Variants in KLHL18 observed in about 807,000 individuals in gnomAD.
KLHL18 encodes kelch-like protein 18.
In KLHL18, 38 loss-of-function variants were observed where a neutral mutation model predicts 58.5. The observed-to-expected ratio is 0.65, with a 90% CI of 0.50 to 0.85. The LOEUF is 0.85. Ranked by LOEUF, KLHL18 falls within the 40% of genes least tolerant of loss-of-function variation. The probability of loss-of-function intolerance (pLI) is 0.00; values close to 1 mark genes in which losing one functional copy is unlikely to be tolerated. For synonymous variants in KLHL18, 303 were observed against 301.9 expected (o/e 1.00, Z -0.04); for missense variants, 624 against 778.4 (o/e 0.80, Z 2.36).
rs564025256 is a variant in KLHL18 at position 47,304,014 on chromosome 3, G to T, written c.130-15639G>T. 9.2e-5 allele frequency among the ~76,000 whole-genome samples: 14 copies of T among 151,996 alleles called. No homozygotes were observed. The South Asian group carries it at 2.9e-3, about 32-fold the overall frequency. On this transcript the variant is annotated intron_variant, in intron 1 of 9. Coordinates refer to ENST00000232766, the MANE Select transcript of KLHL18 (RefSeq NM_025010.5). ...AAAGTTCAACTTTTATTTTTTTAGA[G>T]CAGTTTTAGTTTCACAGCAAAATTG...
intron 1 of KLHL18, 174 bp downstream of exon 1, chr3:47,283,268 G>C (rs1005502111): frequency 6.1e-5 from 40 of 651,524 alleles, no homozygotes; most frequent in Non-Finnish European, 9.4e-5. Context: ...GGGGCCGAGT[G>C]GGGAGAGGAA....
intron 2 of KLHL18, among the ~76,000 whole-genome samples, chr3:47,320,427 C>T (rs1265598774): frequency 6.6e-6 from 1 of 152,152 alleles, no homozygotes; most frequent in East Asian, 1.9e-4. Context: ...ATGGTTATTT[C>T]ATGGTTCAGA....
At chr3:47,294,090 T>C (rs1702846804) in intron 1 of KLHL18, among the ~76,000 whole-genome samples, 1 of 152,232 alleles carries the variant, frequency 6.6e-6, no homozygotes. Flanking sequence ...TTTACTAGCA[T>C]GTTGAGAGAA....
At chr3:47,323,606 C>G (rs551987066) in intron 3 of KLHL18, among the ~76,000 whole-genome samples, 531 of 152,330 alleles carry the variant, frequency 3.5e-3, no homozygotes, top group Non-Finnish European at 5.3e-3. Flanking sequence ...CTCCCTCCCC[C>G]TCAAGAGCCA....
chr3:47,323,162 C>A (rs1703629497), intron 3 of KLHL18, among the ~76,000 whole-genome samples: 1 of 151,984 alleles, frequency 6.6e-6, no homozygotes, highest in African/African-American at 2.4e-5. Context: ...GATCTCGCCT[C>A]ACTGCAACCT....
chr3:47,289,701 T>C (rs1207264279), intron 1 of KLHL18, among the ~76,000 whole-genome samples: 1 of 152,170 alleles, frequency 6.6e-6, no homozygotes, highest in Non-Finnish European at 1.5e-5. Context: ...GAGGATTGCT[T>C]GAGCCCAGGA....
chr3:47,295,824 C>T (rs1267364363), intron 1 of KLHL18, among the ~76,000 whole-genome samples: 2 of 152,078 alleles, frequency 1.3e-5, no homozygotes, highest in Non-Finnish European at 2.9e-5. Context: ...AGGCAATCCT[C>T]CCACCTCGGC....
chr3:47,300,565 T>C (rs941398195), intron 1 of KLHL18, among the ~76,000 whole-genome samples: 5 of 150,226 alleles, frequency 3.3e-5, no homozygotes, highest in African/African-American at 1.2e-4. Flanking sequence ...ACACCCAGCC[T>C]AGCATTTTAT....
chr3:47,323,853 C>T (rs1703644776), intron 3 of KLHL18, among the ~76,000 whole-genome samples: 1 of 152,234 alleles, frequency 6.6e-6, no homozygotes, highest in African/African-American at 2.4e-5. Context: ...ACCTCCCCTC[C>T]CCTATTCTCA....
intron 7 of KLHL18, 35 bp downstream of exon 7, chr3:47,336,792 C>T (rs1703997687): frequency 6.6e-7 from 1 of 1,517,830 alleles, no homozygotes. Context: ...CGAACATACA[C>T]ACTGAGCACC....
chr3:47,283,242 C>A, intron 1 of KLHL18, 148 bp downstream of exon 1: 1 of 627,892 alleles, frequency 1.6e-6, no homozygotes, highest in Non-Finnish European at 2.5e-6. Flanking sequence ...AGAGAGGTGC[C>A]GAGCAAAAGG....
In KLHL18 at chr3:47,336,563, C is replaced by T. The variant is rs139486990; in HGVS notation, c.927C>T (p.Phe309=). The change falls in exon 7 of 10, where the codon TTC becomes TTT. Residue 309 remains phenylalanine (F), a synonymous_variant. Transcript: ENST00000232766. ...AGDSLNVVEV[F]DPIANCWERC... is the part of the protein sequence containing the mutation. ...ATTCCCTGAATGTGGTGGAAGTGTT[C>T]GACCCCATTGCCAATTGCTGGGAGA... The T allele has an allele frequency of 2.0e-5, 33 of 1,614,136 alleles. No individual in the cohort carries two copies. The Middle Eastern group carries it at 4.9e-4, about 24-fold the overall frequency.
intron 1 of KLHL18, among the ~76,000 whole-genome samples, chr3:47,305,272 GT>G (rs1375373302): frequency 6.9e-6 from 1 of 145,654 alleles, no homozygotes; most frequent in African/African-American, 2.5e-5. Context: ...AGTTGAGGAA[GT>G]TCCCCTCAAT....
intron 1 of KLHL18, among the ~76,000 whole-genome samples, chr3:47,297,994 G>T (rs1159400329): frequency 1.3e-5 from 2 of 152,114 alleles, no homozygotes; most frequent in African/African-American, 2.4e-5. Context: ...TCACTGGGCA[G>T]AAAAATGAGG....
intron 1 of KLHL18, among the ~76,000 whole-genome samples, chr3:47,314,608 C>T (rs555770492): frequency 1.3e-5 from 2 of 152,172 alleles, no homozygotes; most frequent in Admixed American, 6.5e-5. Flanking sequence ...GCTCGGATTA[C>T]AGGCATGAGC....
intron 1 of KLHL18, among the ~76,000 whole-genome samples, chr3:47,310,061 G>A (rs1452922612): frequency 1.3e-5 from 2 of 152,144 alleles, no homozygotes; most frequent in Non-Finnish European, 2.9e-5. Flanking sequence ...CTGAAGGTAG[G>A]AACAGTAGTA....
chr3:47,329,203 G>GTT (rs371869161), intron 3 of KLHL18, among the ~76,000 whole-genome samples: 71,532 of 150,240 alleles, frequency 0.48, 18,438 homozygotes, highest in Non-Finnish European at 0.58. Flanking sequence ...TCCGTGTTGT[G>GTT]TTTTTTTTGT....
chr3:47,302,353 C>T (rs1207072167), intron 1 of KLHL18, among the ~76,000 whole-genome samples: 3 of 151,986 alleles, frequency 2.0e-5, no homozygotes, highest in Admixed American at 6.6e-5. Flanking sequence ...GGTGTGGTGG[C>T]GTGCACCTGT....
chr3:47,297,740 G>A, intron 1 of KLHL18: 1 of 424,580 alleles, frequency 2.4e-6, no homozygotes, highest in Non-Finnish European at 4.7e-6. Context: ...GATGAAATAG[G>A]CTTTAGAATT....
Sources: allele counts gnomAD v4.1 joint callset (sites outside exome capture counted in the v4.1 genomes callset), GRCh38; gene constraint gnomAD v4.1.1; transcripts MANE v1.5; gene names NCBI Gene and HGNC (gene_info 2026-07-23, HGNC 2026-07-21).